Variants in MED1 observed in about 807,000 individuals in gnomAD.
MED1 encodes the protein mediator of RNA polymerase II transcription subunit 1.
A neutral mutation model predicts 121.3 loss-of-function variants in MED1; 17 were observed. The ratio of observed to expected loss-of-function variants is 0.14; its 90% CI spans 0.10 to 0.21. The LOEUF is 0.21. Ranked by LOEUF, MED1 falls within the 10% of genes least tolerant of loss-of-function variation. The pLI, the probability that MED1 is intolerant of heterozygous loss-of-function variation, is 1.00. For missense variants in MED1, 1,558 were observed against 1,919.4 expected (o/e 0.81, Z 3.52); for synonymous variants, 661 against 694.4 (o/e 0.95, Z 0.76).
intron 16 of MED1, 42 bp from the exon 17 acceptor site, chr17:39,410,763 T>C (rs771221950): frequency 1.3e-6 from 2 of 1,548,808 alleles, no homozygotes; most frequent in Non-Finnish European, 1.7e-6. Context: ...TTGCAATAGC[T>C]GCTGAATGAG....
chr17:39,445,767 ACACCCGTAATCACAG>A (rs2048720200), intron 2 of MED1, among the ~76,000 whole-genome samples: 1 of 152,140 alleles, frequency 6.6e-6, no homozygotes. Context: ...ACAGGGGCTC[ACACCCGTAATCACAG>A]CACTTTGGGA....
chr17:39,430,321 G>T (rs1240371734), intron 9 of MED1, among the ~76,000 whole-genome samples: 1 of 151,692 alleles, frequency 6.6e-6, no homozygotes. Context: ...GGAGGCAGAG[G>T]TTACAGTGAT....
Position 39,407,415 on chromosome 17 carries a change from C to G in MED1, c.*60G>C. 1 of 1,522,930 alleles carries G rather than the reference C, an allele frequency of 6.6e-7. No homozygotes were observed. Among genetic ancestry groups the G allele is most frequent in the Non-Finnish European group, 8.8e-7 (1 of 1,138,698 alleles). 94.3% of individuals were successfully genotyped at this position (1,522,930 alleles called of 1,614,324 possible). A position where few individuals can be genotyped will look rare whatever the true frequency, so the allele number is the denominator to read the frequency against. On this transcript the variant is annotated 3_prime_UTR_variant, in exon 17 of 17. Transcript: ENST00000300651. ...TGACTCACCCCTTATGGTGGTTTGC[C>G]TATAAACTTATCAATAGTTTTTTTT... is the stretch of plus-strand genomic sequence containing the variant.
At chr17:39,447,394 TA>T (rs11416466) in intron 2 of MED1, among the ~76,000 whole-genome samples, 15 of 143,454 alleles carry the variant, frequency 1.0e-4, no homozygotes, top group African/African-American at 3.2e-4. Flanking sequence ...TCCGTCTCAA[TA>T]AAAAAAAAAA....
At chr17:39,447,535 T>C (rs985187022) in intron 2 of MED1, among the ~76,000 whole-genome samples, 26 of 152,266 alleles carry the variant, frequency 1.7e-4, no homozygotes, top group African/African-American at 5.5e-4. Flanking sequence ...TAGACTTGGG[T>C]CCCATCCCCA....
rs200644800 is a variant in MED1, at chr17:39,431,077, T to C, written c.649+38A>G. Reference sequence around the variant, plus strand: ...AAAAGTAATGACCCTCAACTTAAATTACACATGTTTCTAAACAAGCAAAAT... The same window carrying C: ...AAAAGTAATGACCCTCAACTTAAATCACACATGTTTCTAAACAAGCAAAAT... On this transcript the variant is annotated intron_variant, in intron 9 of 16. Transcript: ENST00000300651. 4 of 1,514,608 alleles carry C rather than the reference T, an allele frequency of 2.6e-6. No homozygotes were observed. In the African/African-American group the frequency reaches 4.1e-5, roughly 16 times the overall value. The allele number at this position is 1,514,608 out of a possible 1,614,324, so 93.8% of individuals were successfully genotyped here. A position where few individuals can be genotyped will look rare whatever the true frequency, so the allele number is the denominator to read the frequency against.
At position 39,451,170 on chromosome 17, in the gene MED1, T is replaced by A. The variant is rs1486376509; in HGVS notation, c.-108A>T. 4.0e-6 allele frequency: 5 copies of A among 1,235,356 alleles called. No individual in the cohort carries two copies. The African/African-American group carries it at 7.6e-5, about 19-fold the overall frequency. The allele number at this position is 1,235,356 out of a possible 1,614,324, so 76.5% of individuals were successfully genotyped here. Reference sequence around the variant, plus strand: ...ATCCCGGGACGCAGGGCACCAGCAGTCCCTACTCTTCCCGGGAAGGATCAA... The same window carrying A: ...ATCCCGGGACGCAGGGCACCAGCAGACCCTACTCTTCCCGGGAAGGATCAA... On this transcript the variant is annotated 5_prime_UTR_variant, in exon 1 of 17. Coordinates refer to ENST00000300651, the MANE Select transcript of MED1 (RefSeq NM_004774.4).
intron 6 of MED1, among the ~76,000 whole-genome samples, chr17:39,436,661 T>C (rs2048621856): frequency 1.3e-5 from 2 of 152,132 alleles, no homozygotes; most frequent in South Asian, 4.1e-4. Context: ...AATGAAACAA[T>C]TTTTCCCAAA....
intron 9 of MED1, among the ~76,000 whole-genome samples, chr17:39,428,677 G>A (rs1187421509): frequency 1.3e-5 from 2 of 151,960 alleles, no homozygotes; most frequent in Non-Finnish European, 2.9e-5. Flanking sequence ...AGGCGCTTGG[G>A]TGTGGTGGCA....
At chr17:39,441,823 C>A (rs190222525) in intron 3 of MED1, among the ~76,000 whole-genome samples, 8 of 152,196 alleles carry the variant, frequency 5.3e-5, no homozygotes, top group Admixed American at 4.6e-4. Flanking sequence ...TCAGCTGAGA[C>A]TGGGCAAAGT....
At chr17:39,422,251 T>C (rs1055741871) in intron 13 of MED1, among the ~76,000 whole-genome samples, 1 of 148,456 alleles carries the variant, frequency 6.7e-6, no homozygotes, top group East Asian at 2.1e-4. Context: ...GCAACCTTCG[T>C]CTCCCGGGTT....
At position 39,405,081 on chromosome 17, in the gene MED1, G is replaced by C; in HGVS notation, c.*2394C>G. On this transcript the variant is annotated 3_prime_UTR_variant, in exon 17 of 17. Transcript: ENST00000300651. ...GTCCTTGCCTTCTTTTGAAACAGAA[G>C]AATGAGTACACCTAGACAGGAGGGA... 1 of 917,856 alleles carries C rather than the reference G, an allele frequency of 1.1e-6. No homozygotes were observed. The highest frequency in any genetic ancestry group is 1.7e-5 in the African/African-American group (1 of 59,928). The allele number at this position is 917,856 out of a possible 1,614,324, so 56.9% of individuals were successfully genotyped here.
chr17:39,440,876 G>A lies in MED1; in HGVS notation c.212-199C>T, dbSNP rs2048668610. On this transcript the variant is annotated intron_variant, in intron 3 of 16. Coordinates refer to ENST00000300651, the MANE Select transcript of MED1 (RefSeq NM_004774.4). The surrounding 1 kb of genome is among the most constrained non-coding windows in gnomAD (Gnocchi z 4.1). ...AAGGTCAAAAAAAAAAGATCTATTT[G>A]AAAAATTACCGAACCTTTCTCCTCT... 6.6e-6 allele frequency among the ~76,000 whole-genome samples: 1 copy of A among 151,970 alleles called. No homozygotes were observed. Among genetic ancestry groups the A allele is most frequent in the Non-Finnish European group, 1.5e-5 (1 of 68,006 alleles).
intron 1 of MED1, among the ~76,000 whole-genome samples, chr17:39,449,972 G>A (rs575778614): frequency 6.6e-4 from 99 of 150,948 alleles, no homozygotes; most frequent in African/African-American, 2.2e-3. Context: ...TCACCACCAC[G>A]CCCGGCTAAT....
chr17:39,444,893 AC>A (rs748495978), intron 2 of MED1, among the ~76,000 whole-genome samples: 21 of 150,910 alleles, frequency 1.4e-4, no homozygotes, highest in South Asian at 4.2e-4. Flanking sequence ...AAACAAACAA[AC>A]AAAAAAAAAC....
At position 39,409,597 on chromosome 17, in the gene MED1, T is replaced by C; in HGVS notation, c.2624A>G (p.Gln875Arg). 3 of 1,614,186 alleles carry C rather than the reference T, an allele frequency of 1.9e-6. No individual in the cohort carries two copies. The highest frequency in any genetic ancestry group is 2.5e-6 in the Non-Finnish European group (3 of 1,180,028). The change falls in exon 17 of 17, where the codon CAA becomes CGA. Residue 875 changes from glutamine to arginine, a missense_variant. Gln to Arg is a conservative substitution (Grantham distance 43, BLOSUM62 1). This residue lies in a region of MED1 where 793 missense variants were observed against 898.2 expected (regional missense o/e 0.88). Transcript: ENST00000300651. Reference sequence around the variant, plus strand: ...AAAATATTCTTCTCCAAAACCACTTTGGCTCTGGCTGTTCAATAAATCAGG... The same window carrying C: ...AAAATATTCTTCTCCAAAACCACTTCGGCTCTGGCTGTTCAATAAATCAGG... The part of the protein sequence containing the change: ...FNPDLLNSQS[Q>R]SGFGEEYFDE...
At position 39,419,599 on chromosome 17, in the gene MED1, T is replaced by TG. The variant is rs368248233; in HGVS notation, c.1297+117dup. 215 of 901,840 alleles carry TG rather than the reference T, an allele frequency of 2.4e-4. No homozygotes were observed. The African/African-American group carries it at 3.0e-3, about 13-fold the overall frequency. 55.9% of individuals were successfully genotyped at this position (901,840 alleles called of 1,614,324 possible). A position where few individuals can be genotyped will look rare whatever the true frequency, so the allele number is the denominator to read the frequency against. The stretch of plus-strand genomic sequence containing the variant: ...ATTTGCTTGATTTTTATGCCAAATA[T>TG]GAAAAAAAAAAAACTTTTTTTAAGT... On this transcript the variant is annotated intron_variant, in intron 14 of 16. Transcript: ENST00000300651.
In MED1 at chr17:39,447,658, A is replaced by C. The variant is rs912577635; in HGVS notation, c.132+140T>G. 5.5e-6 allele frequency: 3 copies of C among 548,284 alleles called. No homozygotes were observed. The African/African-American group carries it at 5.7e-5, about 10-fold the overall frequency. 34.0% of individuals were successfully genotyped at this position (548,284 alleles called of 1,614,324 possible). ...GGGATATTCAACCTGTAGTATAGATACAATAGACTCCTAAAGTTGAAACCA... is the reference window on the plus strand; with the variant it reads ...GGGATATTCAACCTGTAGTATAGATCCAATAGACTCCTAAAGTTGAAACCA... On this transcript the variant is annotated intron_variant, in intron 2 of 16. Transcript: ENST00000300651.
intron 7 of MED1, among the ~76,000 whole-genome samples, chr17:39,432,726 C>T (rs1183698039): frequency 6.6e-6 from 1 of 150,494 alleles, no homozygotes; most frequent in Non-Finnish European, 1.5e-5. Flanking sequence ...TGCATTCCAG[C>T]CTGGTGGCAG....
Sources: gnomAD v4.1 joint callset for allele counts (sites outside exome capture counted in the v4.1 genomes callset) on GRCh38, gnomAD v4.1.1 for gene constraint, gnomAD v4.1.1 regional missense constraint, Gnocchi (gnomAD v3.1) non-coding constraint, MANE v1.5 for transcripts, NCBI Gene and HGNC (gene_info 2026-07-23, HGNC 2026-07-21) for gene names.